Variants in RASGEF1A observed in about 807,000 individuals in gnomAD.
RASGEF1A encodes RasGEF domain family member 1A.
A neutral mutation model predicts 56.4 loss-of-function variants in RASGEF1A; 18 were observed. That is an observed-to-expected ratio of 0.32 (90% confidence interval 0.22 to 0.47). The LOEUF (loss-of-function observed/expected upper bound fraction) is 0.47, where lower values mean the gene tolerates loss of function less well. Ranked by LOEUF, RASGEF1A falls within the 20% of genes least tolerant of loss-of-function variation. The pLI is 1.00. For synonymous variants in RASGEF1A, 245 were observed against 242.6 expected (o/e 1.01, Z -0.09); for missense variants, 422 against 627.1 (o/e 0.67, Z 3.49).
intron 1 of RASGEF1A, among the ~76,000 whole-genome samples, chr10:43,225,984 C>A (rs1466460232): frequency 6.8e-6 from 1 of 146,550 alleles, no homozygotes; most frequent in African/African-American, 2.5e-5. Flanking sequence ...ATGCCAGGGG[C>A]TGGGTCCCAG....
chr10:43,196,937 T>C lies in RASGEF1A; in HGVS notation c.1348+39A>G, dbSNP rs1564526945. 28 of 1,607,184 alleles carry C rather than the reference T, an allele frequency of 1.7e-5. No individual in the cohort carries two copies. The highest frequency in any genetic ancestry group is 2.3e-5 in the Non-Finnish European group (27 of 1,177,536). Reference sequence around the variant, plus strand: ...CACCGGGCCTGGACAAGGAGTCAGGTGGGGTGGGAGGCATGCTGCGTTGGG... The same window carrying C: ...CACCGGGCCTGGACAAGGAGTCAGGCGGGGTGGGAGGCATGCTGCGTTGGG... On this transcript the variant is annotated intron_variant, in intron 11 of 12. Transcript: ENST00000395810. This position sits in a 1 kb window ranked among gnomAD's most constrained non-coding sequence, Gnocchi z 4.6.
intron 1 of RASGEF1A, chr10:43,229,643 C>T (rs1284306146): frequency 6.7e-7 from 1 of 1,493,768 alleles, no homozygotes; most frequent in Non-Finnish European, 8.9e-7. Flanking sequence ...CTACCTGGGG[C>T]TCCAGGAACA....
Position 43,200,795 on chromosome 10 carries a change from T to C in RASGEF1A, c.553A>G (p.Lys185Glu). The change falls in exon 5 of 13, where the codon AAG (lysine) becomes GAG (glutamate). Residue 185 changes from lysine to glutamate, a missense_variant. Around this residue, in one of 2 missense-constraint regions of RASGEF1A, gnomAD observed 273 missense variants for 339.9 expected, o/e 0.80. Transcript: ENST00000395810. ...TTGTCTACAGCCGGTGGCCGGAGCT[T>C]CTCTCGCAGTTCCTGGAGCTGGCTC... The part of the protein sequence containing the change: ...ARSQLQELRE[K>E]LRPPAVDKGP... 2 of 1,613,914 alleles carry C rather than the reference T, an allele frequency of 1.2e-6. No individual in the cohort carries two copies. The highest frequency in any genetic ancestry group is 1.7e-6 in the Non-Finnish European group (2 of 1,180,016).
chr10:43,205,790 C>A, intron 2 of RASGEF1A, 129 bp downstream of exon 2: 1 of 745,914 alleles, frequency 1.3e-6, no homozygotes, highest in Non-Finnish European at 2.2e-6. Context: ...CCTGGGCCCC[C>A]CACTGCCCTG....
At position 43,229,759 on chromosome 10, in the gene RASGEF1A, G is replaced by T. The variant is rs1175808143; in HGVS notation, c.-6-23637C>A. 6.1e-6 allele frequency: 8 copies of T among 1,307,808 alleles called. No homozygotes were observed. In the South Asian group the frequency reaches 1.4e-4, roughly 23 times the overall value. 81.0% of individuals were successfully genotyped at this position (1,307,808 alleles called of 1,614,324 possible). A position where few individuals can be genotyped will look rare whatever the true frequency, so the allele number is the denominator to read the frequency against. On this transcript the variant is annotated intron_variant, in intron 1 of 12. Coordinates refer to ENST00000395810, the MANE Select transcript of RASGEF1A (RefSeq NM_145313.4). ...AGCACCCACTCCTGCGCCGGCCCCT[G>T]CCGCTGGACGCCTCCGCTGGAGGGG...
chr10:43,258,216 TAACTC>T (rs1836461961), intron 1 of RASGEF1A, among the ~76,000 whole-genome samples: 1 of 152,222 alleles, frequency 6.6e-6, no homozygotes, highest in South Asian at 2.1e-4. Flanking sequence ...CAGTTTCGTT[TAACTC>T]AATTTTGCAG....
intron 1 of RASGEF1A, among the ~76,000 whole-genome samples, chr10:43,259,540 C>G (rs1836489607): frequency 6.6e-6 from 1 of 152,208 alleles, no homozygotes; most frequent in Non-Finnish European, 1.5e-5. Context: ...TACAACTGCA[C>G]TTCTGTCCAG....
At chr10:43,247,264 G>T (rs367868133) in intron 1 of RASGEF1A, among the ~76,000 whole-genome samples, 2 of 152,218 alleles carry the variant, frequency 1.3e-5, no homozygotes, top group East Asian at 3.8e-4. Flanking sequence ...GTAATAACAA[G>T]TGTTACTGAG....
chr10:43,234,630 C>G (rs1394605270), intron 1 of RASGEF1A, among the ~76,000 whole-genome samples: 3 of 152,148 alleles, frequency 2.0e-5, no homozygotes, highest in Non-Finnish European at 4.4e-5. Flanking sequence ...AGGCCCTGGC[C>G]CCCCACCCTG....
chr10:43,205,027 GC>G (rs1035493663), intron 2 of RASGEF1A, among the ~76,000 whole-genome samples: 1 of 152,228 alleles, frequency 6.6e-6, no homozygotes, highest in Non-Finnish European at 1.5e-5. Flanking sequence ...GAAAGGCAAG[GC>G]CCCCTCACCC....
chr10:43,262,570 G>C (rs759535002), intron 1 of RASGEF1A, among the ~76,000 whole-genome samples: 39 of 152,354 alleles, frequency 2.6e-4, no homozygotes, highest in Admixed American at 7.2e-4. Flanking sequence ...CACCTCCCAC[G>C]GATGTTCGCT....
intron 1 of RASGEF1A, among the ~76,000 whole-genome samples, chr10:43,259,452 TCCC>T (rs751793936): frequency 3.9e-5 from 6 of 152,056 alleles, no homozygotes; most frequent in Non-Finnish European, 5.9e-5. Flanking sequence ...TGACTCCAAC[TCCC>T]CTGCCTCAGA....
chr10:43,199,107 T>C lies in RASGEF1A; in HGVS notation c.937A>G (p.Met313Val). 1 of 1,613,800 alleles carries C rather than the reference T, an allele frequency of 6.2e-7. No individual in the cohort carries two copies. The highest frequency in any genetic ancestry group is 8.5e-7 in the Non-Finnish European group (1 of 1,180,000). The part of the protein sequence containing the change: ...ECFNIGNFNS[M>V]MAIISGMNLS... ...AGTCACTCACAGATGATGGCCATCATGGAGTTGAAGTTCCCGATGTTGAAG... is the reference window on the plus strand; with the variant it reads ...AGTCACTCACAGATGATGGCCATCACGGAGTTGAAGTTCCCGATGTTGAAG... The change falls in exon 8 of 13, where the codon ATG becomes GTG. Residue 313 changes from methionine to valine, a missense_variant. Physicochemically the swap from Met to Val is conservative, Grantham distance 21. Coordinates refer to ENST00000395810, the MANE Select transcript of RASGEF1A (RefSeq NM_145313.4).
intron 1 of RASGEF1A, among the ~76,000 whole-genome samples, chr10:43,210,710 G>C (rs1046398792): frequency 6.6e-5 from 10 of 152,214 alleles, no homozygotes; most frequent in Non-Finnish European, 1.5e-4. Flanking sequence ...AGCAGACCCT[G>C]TGAAGGGCTC....
chr10:43,229,754 C>G, intron 1 of RASGEF1A: 2 of 1,315,982 alleles, frequency 1.5e-6, no homozygotes, highest in South Asian at 4.0e-5. Flanking sequence ...CCTGCGCCGG[C>G]CCCTGCCGCT....
intron 1 of RASGEF1A, among the ~76,000 whole-genome samples, chr10:43,227,183 C>T (rs1317917719): frequency 6.6e-6 from 1 of 152,142 alleles, no homozygotes; most frequent in African/African-American, 2.4e-5. Context: ...TCCAAGAGCC[C>T]AAAGGTGTGG....
intron 1 of RASGEF1A, among the ~76,000 whole-genome samples, chr10:43,250,512 C>T (rs761741031): frequency 2.0e-5 from 3 of 152,226 alleles, no homozygotes; most frequent in Non-Finnish European, 4.4e-5. Context: ...TCCTGGGCTC[C>T]GCCCCCAGGC....
chr10:43,207,313 C>CA (rs1254466817), intron 1 of RASGEF1A: 3 of 985,338 alleles, frequency 3.0e-6, no homozygotes, highest in Non-Finnish European at 3.6e-6. Context: ...ACTTCAGTGC[C>CA]ATGACAGGAC....
At chr10:43,236,674 C>T (rs1840435281) in intron 1 of RASGEF1A, among the ~76,000 whole-genome samples, 1 of 152,248 alleles carries the variant, frequency 6.6e-6, no homozygotes, top group Non-Finnish European at 1.5e-5. Context: ...CACAGCATAA[C>T]ACAGTACGTG....
Sources: gnomAD v4.1 joint callset for allele counts (sites outside exome capture counted in the v4.1 genomes callset) on GRCh38, gnomAD v4.1.1 for gene constraint, gnomAD v4.1.1 regional missense constraint, Gnocchi (gnomAD v3.1) non-coding constraint, MANE v1.5 for transcripts, NCBI Gene and HGNC (gene_info 2026-07-23, HGNC 2026-07-21) for gene names.